The following EPB41L3 variants were observed in gnomAD, a reference collection of about 807,000 sequenced individuals.
The protein encoded by EPB41L3 is erythrocyte membrane protein band 4.1 like 3.
In EPB41L3, 57 loss-of-function variants were observed where a neutral mutation model predicts 127.1. That is an observed-to-expected ratio of 0.45 (90% confidence interval 0.36 to 0.56). The LOEUF is 0.56. Among genes scored for constraint, EPB41L3 ranks in the 20% least tolerant of loss-of-function variants. The pLI is 0.00. For synonymous variants in EPB41L3, 572 were observed against 549.5 expected, an observed-to-expected ratio of 1.04 and a Z score of -0.57; for missense variants, 1,273 against 1,372.2, an observed-to-expected ratio of 0.93 and a Z score of 1.14.
At chr18:5,518,651 G>GA (rs895854334) in intron 1 of EPB41L3, 1 of 152,136 alleles carries the variant, frequency 6.6e-6, no homozygotes, top group Non-Finnish European at 1.5e-5. Context: ...ATAAACAAAT[G>GA]AAAGAATAAT....
chr18:5,440,145 G>A (rs2080461517), intron 5 of EPB41L3, among the ~76,000 whole-genome samples: 1 of 152,074 alleles, frequency 6.6e-6, no homozygotes, highest in Admixed American at 6.5e-5. Context: ...CCAGAGATTT[G>A]GAGTATGGCC....
rs33919613 is a variant in EPB41L3, at chr18:5,493,574, G to GAAA, written c.-11-4383_-11-4381dup. 2.6e-4 allele frequency among the ~76,000 whole-genome samples: 39 copies of GAAA among 150,226 alleles called. 1 individual carries two copies. The South Asian group carries it at 6.8e-3, about 26-fold the overall frequency. On this transcript the variant is annotated intron_variant, in intron 1 of 22. Coordinates refer to ENST00000341928, the MANE Select transcript of EPB41L3 (RefSeq NM_012307.5). Reference sequence around the variant, plus strand: ...TCTACTGAATTTTTTCTATTTGCATGAAAAAAAAATGCCCTAGTATCATCC... The same window carrying GAAA: ...TCTACTGAATTTTTTCTATTTGCATGAAAAAAAAAAAATGCCCTAGTATCATCC...
chr18:5,525,316 C>T (rs555180481), intron 1 of EPB41L3, among the ~76,000 whole-genome samples: 10 of 152,268 alleles, frequency 6.6e-5, no homozygotes, highest in South Asian at 2.1e-4. Context: ...CGCTCACAGA[C>T]GCCAGCACTG....
chr18:5,587,042 C>T (rs1785377), intron 3 of EPB41L3, among the ~76,000 whole-genome samples: 59,166 of 151,962 alleles, frequency 0.39, 12,249 homozygotes, highest in Non-Finnish European at 0.47. Context: ...GCCATGTTTA[C>T]AAAATTTACT....
chr18:5,630,346 G>A (rs753228840), upstream of EPB41L3: 5 of 517,258 alleles, frequency 9.7e-6, no homozygotes, highest in South Asian at 5.6e-5. Context: ...CCCGGCCTAC[G>A]CCCGGCTGCC....
chr18:5,418,773 C>T (rs2077120130), intron 12 of EPB41L3, among the ~76,000 whole-genome samples: 2 of 152,146 alleles, frequency 1.3e-5, no homozygotes, highest in Admixed American at 1.3e-4. Flanking sequence ...CTGCTAAATT[C>T]TCATCAAAAG....
chr18:5,402,816 A>G (rs2074729651), intron 16 of EPB41L3, among the ~76,000 whole-genome samples: 1 of 152,192 alleles, frequency 6.6e-6, no homozygotes, highest in Non-Finnish European at 1.5e-5. Context: ...CTGGCGCACA[A>G]AATTCATAAC....
At chr18:5,472,647 A>G (rs2086375208) in intron 3 of EPB41L3, among the ~76,000 whole-genome samples, 1 of 152,222 alleles carries the variant, frequency 6.6e-6, no homozygotes, top group Admixed American at 6.5e-5. Context: ...AGGTACTCTA[A>G]CTTTCTACAT....
At chr18:5,578,963 T>G (rs2094364218) in intron 3 of EPB41L3, among the ~76,000 whole-genome samples, 1 of 152,178 alleles carries the variant, frequency 6.6e-6, no homozygotes, top group African/African-American at 2.4e-5. Flanking sequence ...TCAACAGTGC[T>G]GAAACAGCTC....
chr18:5,557,794 T>A (rs1435651869), intron 3 of EPB41L3, among the ~76,000 whole-genome samples: 1 of 152,220 alleles, frequency 6.6e-6, no homozygotes, highest in Non-Finnish European at 1.5e-5. Context: ...GATGGATTGG[T>A]TTTTGGAAGG....
At chr18:5,557,676 T>C (rs1426757197) in intron 3 of EPB41L3, among the ~76,000 whole-genome samples, 1 of 152,216 alleles carries the variant, frequency 6.6e-6, no homozygotes, top group African/African-American at 2.4e-5. Context: ...TGAGCTACTG[T>C]GCCCAGGCAC....
intron 16 of EPB41L3, among the ~76,000 whole-genome samples, chr18:5,404,127 C>A (rs2074974293): frequency 6.6e-6 from 1 of 152,166 alleles, no homozygotes. Context: ...AGAGGACAGG[C>A]CACTCTGCCT....
At chr18:5,625,564 A>G (rs899176609) in intron 1 of EPB41L3, among the ~76,000 whole-genome samples, 2 of 152,204 alleles carry the variant, frequency 1.3e-5, no homozygotes, top group Non-Finnish European at 2.9e-5. Flanking sequence ...AACTGGGTAA[A>G]GTATCCCCTT....
chr18:5,416,200 C>T lies in EPB41L3; in HGVS notation c.1685G>A (p.Gly562Glu), dbSNP rs765570304. 20 of 1,614,128 alleles carry T rather than the reference C, an allele frequency of 1.2e-5. No homozygotes were observed. Among genetic ancestry groups the T allele is most frequent in the Non-Finnish European group, 1.7e-5 (20 of 1,180,022 alleles). ...ATCTTGATCCCCTAGGTAAGGCCTC[C>T]CTGGGCCATCAGAGTCCAAGGCGGG... ...GEPALDSDGP[G>E]RPYLGDQDVA... Residue 562 changes from glycine to glutamate, a missense_variant, in exon 13 of 23, where the codon GGG (glycine) becomes GAG (glutamate). By Grantham distance (98) the Gly-to-Glu change is moderately conservative. Around this residue, in one of 3 missense-constraint regions of EPB41L3, gnomAD observed 765 missense variants for 782.9 expected, o/e 0.98. Transcript: ENST00000341928.
chr18:5,465,461 A>G (rs1340991463), intron 3 of EPB41L3, among the ~76,000 whole-genome samples: 1 of 152,230 alleles, frequency 6.6e-6, no homozygotes, highest in African/African-American at 2.4e-5. Context: ...AAATCTCTAA[A>G]TAGTATGAAG....
intron 20 of EPB41L3, 21 bp downstream of exon 20, chr18:5,395,588 C>A (rs758125793): frequency 1.9e-6 from 3 of 1,608,614 alleles, no homozygotes; most frequent in Non-Finnish European, 1.7e-6. Flanking sequence ...GAATCCTCTT[C>A]TCGGTTCTCA....
At chr18:5,523,840 C>A (rs1442935226) in intron 1 of EPB41L3, among the ~76,000 whole-genome samples, 1 of 151,970 alleles carries the variant, frequency 6.6e-6, no homozygotes, top group African/African-American at 2.4e-5. Flanking sequence ...TGTCCAAGAT[C>A]ATGTCCTTTC....
upstream of EPB41L3, among the ~76,000 whole-genome samples, chr18:5,545,946 GAATT>G (rs1435491891): frequency 1.3e-5 from 2 of 150,582 alleles, no homozygotes; most frequent in Non-Finnish European, 3.0e-5. Flanking sequence ...AATGAAGAAA[GAATT>G]CATTTTCCTT....
intron 3 of EPB41L3, among the ~76,000 whole-genome samples, chr18:5,458,260 GT>G (rs1334694523): frequency 6.6e-6 from 1 of 152,068 alleles, no homozygotes; most frequent in Non-Finnish European, 1.5e-5. Context: ...TGAAAAACCT[GT>G]TTTTTAATGT....
Sources: gnomAD v4.1 joint callset for allele counts (sites outside exome capture counted in the v4.1 genomes callset) on GRCh38, gnomAD v4.1.1 for gene constraint, gnomAD v4.1.1 regional missense constraint, MANE v1.5 for transcripts, NCBI Gene and HGNC (gene_info 2026-07-23, HGNC 2026-07-21) for gene names.